Variants in DACH1 observed in about 807,000 individuals in gnomAD.
DACH1 encodes dachshund family transcription factor 1, also known as dachshund homolog 1.
DACH1 carries 12 observed loss-of-function variants against 54.2 expected under a neutral mutation model. The observed-to-expected ratio is 0.22, with a 90% CI of 0.14 to 0.36. The LOEUF is 0.36. DACH1 is among the 10% of genes least tolerant of loss of function. The pLI, the probability that DACH1 is intolerant of heterozygous loss-of-function variation, is 1.00. For synonymous variants in DACH1, 386 were observed against 366.2 expected (o/e 1.05, Z -0.62); for missense variants, 805 against 929.8 (o/e 0.87, Z 1.75).
chr13:71,849,667 G>A (rs113260458), intron 1 of DACH1, among the ~76,000 whole-genome samples: 2 of 152,122 alleles, frequency 1.3e-5, no homozygotes, highest in African/African-American at 4.8e-5. Flanking sequence ...CTACCAAATA[G>A]TAATAGCTAG....
At chr13:71,661,758 G>T (rs79132844) in intron 2 of DACH1, among the ~76,000 whole-genome samples, 5,908 of 151,848 alleles carry the variant, frequency 0.039, 386 homozygotes, top group African/African-American at 0.13. Flanking sequence ...ACACACCTGG[G>T]AGAGAGTACT....
intron 2 of DACH1, among the ~76,000 whole-genome samples, chr13:71,662,875 C>A (rs1461861933): frequency 1.3e-5 from 2 of 151,816 alleles, no homozygotes; most frequent in East Asian, 3.9e-4. Flanking sequence ...ATTTATAGTG[C>A]TGTTATGTAA....
At chr13:71,755,231 T>C (rs1442473962) in intron 1 of DACH1, among the ~76,000 whole-genome samples, 1 of 152,194 alleles carries the variant, frequency 6.6e-6, no homozygotes, top group East Asian at 1.9e-4. Flanking sequence ...TTTATGAGAA[T>C]TTTATTAATA....
At chr13:71,506,369 G>A (rs1368514973) in intron 6 of DACH1, among the ~76,000 whole-genome samples, 2 of 142,704 alleles carry the variant, frequency 1.4e-5, no homozygotes, top group Non-Finnish European at 3.0e-5. Context: ...TCCCACCTAT[G>A]AGTGAGAATA....
At chr13:71,819,448 T>A (rs1243871101) in intron 1 of DACH1, among the ~76,000 whole-genome samples, 1 of 152,196 alleles carries the variant, frequency 6.6e-6, no homozygotes, top group Non-Finnish European at 1.5e-5. Flanking sequence ...TAATAGAGTG[T>A]CATTGGAGCC....
At chr13:71,757,473 CCA>C (rs1885215772) in intron 1 of DACH1, among the ~76,000 whole-genome samples, 1 of 151,730 alleles carries the variant, frequency 6.6e-6, no homozygotes, top group Non-Finnish European at 1.5e-5. Flanking sequence ...TGTAATAATG[CCA>C]ATCTCACCAG....
At chr13:71,474,591 C>T (rs998770889) in intron 10 of DACH1, among the ~76,000 whole-genome samples, 1 of 152,042 alleles carries the variant, frequency 6.6e-6, no homozygotes, top group African/African-American at 2.4e-5. Context: ...CTTTGGTATG[C>T]TATATATGAT....
chr13:71,570,758 C>T (rs1167733698), intron 4 of DACH1, among the ~76,000 whole-genome samples: 1 of 152,104 alleles, frequency 6.6e-6, no homozygotes, highest in Non-Finnish European at 1.5e-5. Context: ...TAGGAAAACA[C>T]AGGAATGTTT....
chr13:71,602,777 G>C (rs1874590800), intron 3 of DACH1, among the ~76,000 whole-genome samples: 1 of 151,932 alleles, frequency 6.6e-6, no homozygotes, highest in Non-Finnish European at 1.5e-5. Flanking sequence ...GTGCATGCCA[G>C]AATAATTATA....
chr13:71,752,174 G>A (rs781295925), intron 1 of DACH1, among the ~76,000 whole-genome samples: 4 of 152,126 alleles, frequency 2.6e-5, no homozygotes, highest in Non-Finnish European at 4.4e-5. Context: ...ATAAATGCAT[G>A]TCATAGCTCA....
chr13:71,543,911 G>C (rs1333327741), intron 6 of DACH1, among the ~76,000 whole-genome samples: 2 of 151,258 alleles, frequency 1.3e-5, no homozygotes, highest in South Asian at 4.2e-4. Context: ...CCTAGTACGA[G>C]AGTGATTTAC....
intron 3 of DACH1, among the ~76,000 whole-genome samples, chr13:71,601,030 A>T (rs925188071): frequency 1.3e-5 from 2 of 152,088 alleles, no homozygotes; most frequent in Non-Finnish European, 2.9e-5. Context: ...CCGGAAAAAA[A>T]AATGCCACTT....
intron 1 of DACH1, among the ~76,000 whole-genome samples, chr13:71,860,359 T>A (rs1874270817): frequency 6.6e-6 from 1 of 151,616 alleles, no homozygotes; most frequent in African/African-American, 2.4e-5. Context: ...AAACATAAAA[T>A]GATAAAACTT....
In DACH1 at chr13:71,440,617, T is replaced by G; in HGVS notation, c.*38A>C. On this transcript the variant is annotated 3_prime_UTR_variant, in exon 11 of 11. Coordinates refer to ENST00000613252, the MANE Select transcript of DACH1 (RefSeq NM_080759.6). Reference sequence around the variant, plus strand: ...CCATGACGAATGTCTGACTGCAAAGTTCTTTTCTATAACATGGATTTCTTC... The same window carrying G: ...CCATGACGAATGTCTGACTGCAAAGGTCTTTTCTATAACATGGATTTCTTC... 1 of 1,552,920 alleles carries G rather than the reference T, an allele frequency of 6.4e-7. No homozygotes were observed. Among genetic ancestry groups the G allele is most frequent in the Non-Finnish European group, 8.8e-7 (1 of 1,141,658 alleles).
At chr13:71,720,764 A>G (rs1281601204) in intron 1 of DACH1, among the ~76,000 whole-genome samples, 1 of 152,170 alleles carries the variant, frequency 6.6e-6, no homozygotes, top group East Asian at 1.9e-4. Context: ...AACATGATAC[A>G]TGATAGCAGA....
chr13:71,714,280 A>G (rs1469040358), intron 1 of DACH1, among the ~76,000 whole-genome samples: 1 of 152,070 alleles, frequency 6.6e-6, no homozygotes, highest in South Asian at 2.1e-4. Context: ...TTTTGCCCCC[A>G]TATAAAAAGG....
intron 10 of DACH1, among the ~76,000 whole-genome samples, chr13:71,442,385 G>A (rs1874085284): frequency 6.6e-6 from 1 of 151,982 alleles, no homozygotes; most frequent in African/African-American, 2.4e-5. Flanking sequence ...TTCTTTTTAT[G>A]GCTGAATAGT....
intron 1 of DACH1, among the ~76,000 whole-genome samples, chr13:71,791,135 T>C (rs303950): frequency 0.033 from 4,952 of 152,292 alleles, 144 homozygotes; most frequent in African/African-American, 0.08. Flanking sequence ...ATCAGAAGCA[T>C]ATTACAGTGA....
At position 71,731,958 on chromosome 13, in the gene DACH1, A is replaced by G. The variant is rs146473088; in HGVS notation, c.849-50048T>C. On this transcript the variant is annotated intron_variant, in intron 1 of 10. Transcript: ENST00000613252. The stretch of plus-strand genomic sequence containing the variant: ...TAATTGAGCTTGAGAGTAGTCAACT[A>G]AAATCTTCAAATAATTTCTGAATGT... 2.0e-4 allele frequency among the ~76,000 whole-genome samples: 30 copies of G among 152,326 alleles called. 2 individuals carry two copies. Among genetic ancestry groups the G allele is most frequent in the African/African-American group, 7.2e-4 (30 of 41,576 alleles).
Sources: gnomAD v4.1 joint callset for allele counts (sites outside exome capture counted in the v4.1 genomes callset) on GRCh38, gnomAD v4.1.1 for gene constraint, MANE v1.5 for transcripts, NCBI Gene and HGNC (gene_info 2026-07-23, HGNC 2026-07-21) for gene names.